The following LPXN variants were observed in gnomAD, a reference collection of about 807,000 sequenced individuals.
The protein encoded by LPXN is leupaxin.
LPXN carries 28 observed loss-of-function variants against 45.6 expected under a neutral mutation model. That is an observed-to-expected ratio of 0.61 (90% CI 0.45 to 0.84). LPXN has a LOEUF of 0.84. LPXN is among the 40% of genes least tolerant of loss of function. The pLI, the probability that LPXN is intolerant of heterozygous loss-of-function variation, is 0.00. For synonymous variants in LPXN, 166 were observed against 169.9 expected, an observed-to-expected ratio of 0.98 and a Z score of 0.18; for missense variants, 459 against 475.0, an observed-to-expected ratio of 0.97 and a Z score of 0.31.
chr11:58,537,945 C>T (rs562019389), intron 7 of LPXN, among the ~76,000 whole-genome samples: 23 of 132,962 alleles, frequency 1.7e-4, no homozygotes, highest in Admixed American at 1.6e-3. Flanking sequence ...ACAACAGTCC[C>T]CAGAGTGTGA....
chr11:58,534,609 A>G (rs1280103603), intron 7 of LPXN, among the ~76,000 whole-genome samples: 5 of 152,234 alleles, frequency 3.3e-5, no homozygotes, highest in Admixed American at 3.3e-4. Context: ...TCACATTAAA[A>G]GAACTAGAGA....
At chr11:58,536,889 C>T (rs1853569589) in intron 7 of LPXN, among the ~76,000 whole-genome samples, 1 of 150,810 alleles carries the variant, frequency 6.6e-6, no homozygotes, top group Non-Finnish European at 1.5e-5. Flanking sequence ...TTTATGTAGC[C>T]AATAAACATA....
chr11:58,528,307 C>A, intron 7 of LPXN, 116 bp from the exon 8 acceptor site: 1 of 932,930 alleles, frequency 1.1e-6, no homozygotes, highest in Non-Finnish European at 1.6e-6. Flanking sequence ...AGGATGATTA[C>A]TGTTACCTAA....
Position 58,558,824 on chromosome 11 carries a change from T to C in LPXN, c.219-3884A>G, listed in dbSNP as rs75503682. Among the ~76,000 whole-genome samples the C allele has an allele frequency of 7.4e-3, 1,131 of 151,920 alleles. 28 individuals are homozygous for C. Among genetic ancestry groups the C allele is most frequent in the Admixed American group, 0.055 (834 of 15,276 alleles). ...ATATCAATATTTTTAAATGTAAAGA[T>C]AATAGAAAAATGAAGAATATATTTT... On this transcript the variant is annotated intron_variant, in intron 3 of 8. Coordinates refer to ENST00000395074, the MANE Select transcript of LPXN (RefSeq NM_004811.3).
chr11:58,550,195 C>T lies in LPXN; in HGVS notation c.487-49G>A, dbSNP rs368263084. 10 of 1,571,994 alleles carry T rather than the reference C, an allele frequency of 6.4e-6. No homozygotes were observed. In the African/African-American group the frequency reaches 9.5e-5, roughly 15 times the overall value. On this transcript the variant is annotated intron_variant, in intron 5 of 8. Coordinates refer to ENST00000395074, the MANE Select transcript of LPXN (RefSeq NM_004811.3). ...CACAGGAGGCCAGTTGAGTGCTCTA[C>T]AGCCTACAGGTTGCACAACTCTAGG...
In LPXN at chr11:58,549,946, G is replaced by A. The variant is rs749066023; in HGVS notation, c.660+27C>T. 5.6e-6 allele frequency: 9 copies of A among 1,613,960 alleles called. No homozygotes were observed. The East Asian group carries it at 2.0e-4, about 36-fold the overall frequency. On this transcript the variant is annotated intron_variant, in intron 6 of 8. Transcript: ENST00000395074. ...TCTGGTTCTAAGTGAGTGACTGAAA[G>A]CTGGAGAGGAGCGGGGATTTACTTA...
intron 7 of LPXN, among the ~76,000 whole-genome samples, chr11:58,528,505 C>T (rs769175470): frequency 6.6e-6 from 1 of 152,190 alleles, no homozygotes; most frequent in Non-Finnish European, 1.5e-5. Context: ...TCATGTGATG[C>T]AAGAATCACT....
intron 4 of LPXN, among the ~76,000 whole-genome samples, chr11:58,553,522 G>A (rs887397203): frequency 6.6e-6 from 1 of 152,106 alleles, no homozygotes; most frequent in Non-Finnish European, 1.5e-5. Flanking sequence ...ATCAAAGGAT[G>A]TCAGTCATTA....
At chr11:58,559,661 A>C (rs1197251790) in intron 3 of LPXN, among the ~76,000 whole-genome samples, 2 of 152,154 alleles carry the variant, frequency 1.3e-5, no homozygotes, top group African/African-American at 4.8e-5. Context: ...GGACTGCTTG[A>C]GCCCAGGAGT....
chr11:58,536,842 C>G (rs547281330), intron 7 of LPXN, among the ~76,000 whole-genome samples: 190 of 151,302 alleles, frequency 1.3e-3, no homozygotes, highest in African/African-American at 4.2e-3. Flanking sequence ...CAAAAAGTGA[C>G]TGAAGGATAT....
chr11:58,527,058 G>C lies in LPXN; in HGVS notation c.*396C>G, dbSNP rs11543064. 1.2e-5 allele frequency: 2 copies of C among 169,582 alleles called. No individual in the cohort carries two copies. The highest frequency in any genetic ancestry group is 1.5e-4 in the East Asian group (1 of 6,564). The allele number at this position is 169,582 out of a possible 1,614,324, so 10.5% of individuals were successfully genotyped here. A position where few individuals can be genotyped will look rare whatever the true frequency, so the allele number is the denominator to read the frequency against. On this transcript the variant is annotated 3_prime_UTR_variant, in exon 9 of 9. Transcript: ENST00000395074. ...ACAGGGAAATGGGAAAACGTGAAAA[G>C]AAACAAGTATCAGGACCAAATTAGA...
At chr11:58,571,243 G>A (rs1854687182) in intron 1 of LPXN, among the ~76,000 whole-genome samples, 2 of 152,146 alleles carry the variant, frequency 1.3e-5, no homozygotes, top group Non-Finnish European at 2.9e-5. Flanking sequence ...GGGAGGCTGA[G>A]GTGGGAGGAT....
chr11:58,574,206 T>G (rs563337308), intron 1 of LPXN, among the ~76,000 whole-genome samples: 2 of 152,292 alleles, frequency 1.3e-5, no homozygotes, highest in South Asian at 4.1e-4. Flanking sequence ...TTTCTGTATT[T>G]CCAGACAAGA....
intron 7 of LPXN, among the ~76,000 whole-genome samples, chr11:58,534,270 G>T (rs974202884): frequency 6.6e-6 from 1 of 152,156 alleles, no homozygotes; most frequent in African/African-American, 2.4e-5. Context: ...CTATGTAATT[G>T]TAAGTAAAAC....
At chr11:58,542,906 G>C (rs533347142) in intron 7 of LPXN, among the ~76,000 whole-genome samples, 22 of 152,136 alleles carry the variant, frequency 1.4e-4, no homozygotes, top group Non-Finnish European at 2.6e-4. Flanking sequence ...AAACGTTTCT[G>C]CAAGGTCTTT....
intron 2 of LPXN, among the ~76,000 whole-genome samples, chr11:58,566,243 T>C (rs1311914005): frequency 1.3e-5 from 2 of 152,340 alleles, no homozygotes; most frequent in Admixed American, 1.3e-4. Context: ...CAACTTTAAT[T>C]GATGCTTCAC....
intron 7 of LPXN, among the ~76,000 whole-genome samples, chr11:58,547,130 G>GTTC (rs1853898968): frequency 6.6e-6 from 1 of 152,162 alleles, no homozygotes; most frequent in African/African-American, 2.4e-5. Flanking sequence ...CTGGCTGAAA[G>GTTC]AGCCTATGGC....
At chr11:58,547,555 C>T (rs933986729) in intron 7 of LPXN, among the ~76,000 whole-genome samples, 1 of 152,150 alleles carries the variant, frequency 6.6e-6, no homozygotes, top group Non-Finnish European at 1.5e-5. Flanking sequence ...TGTTTCAACC[C>T]TAGAGCAGGC....
At position 58,551,173 on chromosome 11, in the gene LPXN, G is replaced by T; in HGVS notation, c.378C>A (p.Ala126=). The change falls in exon 5 of 9, where the codon GCC becomes GCA. Residue 126 remains alanine (A), a synonymous_variant. Transcript: ENST00000395074. ...KHLPDKQDHK[A]SLDSMLGGLE... ...GACCCCCAAGCATTGAGTCCAGGGAGGCCTTGTGATCCTGCTTGTCTGGTA... is the reference window on the plus strand; with the variant it reads ...GACCCCCAAGCATTGAGTCCAGGGATGCCTTGTGATCCTGCTTGTCTGGTA... The T allele has an allele frequency of 6.2e-7, 1 of 1,611,660 alleles. No homozygotes were observed. The highest frequency in any genetic ancestry group is 8.5e-7 in the Non-Finnish European group (1 of 1,178,920).
Sources: gnomAD v4.1 joint callset for allele counts (sites outside exome capture counted in the v4.1 genomes callset) on GRCh38, gnomAD v4.1.1 for gene constraint, MANE v1.5 for transcripts, NCBI Gene and HGNC (gene_info 2026-07-23, HGNC 2026-07-21) for gene names.